ZBP1: variants seen among roughly 807,000 people sequenced by gnomAD.
The protein encoded by ZBP1 is Z-DNA-binding protein 1.
A neutral mutation model predicts 41.1 loss-of-function variants in ZBP1; 42 were observed. The ratio of observed to expected loss-of-function variants is 1.02; its 90% CI spans 0.80 to 1.32. ZBP1 has a LOEUF of 1.32. Among genes scored for constraint, ZBP1 ranks in the 40% most tolerant of loss-of-function variants. ZBP1 has a pLI of 0.00. For missense variants in ZBP1, 562 were observed against 549.7 expected, an observed-to-expected ratio of 1.02 and a Z score of -0.22; for synonymous variants, 214 against 205.2, an observed-to-expected ratio of 1.04 and a Z score of -0.37.
rs766973468 is a variant in ZBP1, at chr20:57,616,488, A to G, written c.35-20T>C. On this transcript the variant is annotated intron_variant, in intron 1 of 7. Transcript: ENST00000371173. The stretch of plus-strand genomic sequence containing the variant: ...GGTGGCCTGGGGGAGCGAGCGGGGG[A>G]CAGAGAGGGGAACTGAGTCTCCCAG... 1.3e-5 allele frequency: 21 copies of G among 1,611,458 alleles called. No homozygotes were observed. The highest frequency in any genetic ancestry group is 1.7e-5 in the Non-Finnish European group (20 of 1,179,470).
rs555508826 is a variant in ZBP1, at chr20:57,613,090, C to G, written c.670+73G>C. The G allele has an allele frequency of 2.5e-5, 40 of 1,591,914 alleles. No homozygotes were observed. In the South Asian group the frequency reaches 4.2e-4, roughly 17 times the overall value. ...GAATCCCCCCACTCCCCATCCCTAC[C>G]CTTTGCCCCCACCCAGAGGATCCGG... On this transcript the variant is annotated intron_variant, in intron 5 of 7. Coordinates refer to ENST00000371173, the MANE Select transcript of ZBP1 (RefSeq NM_030776.3). The surrounding 1 kb of genome is among the most constrained non-coding windows in gnomAD (Gnocchi z 4.5).
At chr20:57,611,982 C>T in intron 5 of ZBP1, 52 bp from the exon 6 acceptor site, 1 of 1,524,972 alleles carries the variant, frequency 6.6e-7, no homozygotes, top group East Asian at 2.5e-5. Context: ...AGGCTTCTTC[C>T]TTTCCCTCAC....
intron 1 of ZBP1, 181 bp from the exon 2 acceptor site, chr20:57,616,649 G>A (rs1466905765): frequency 9.5e-6 from 6 of 633,826 alleles, no homozygotes; most frequent in Non-Finnish European, 1.6e-5. Context: ...CATCTGCCCA[G>A]AGGGAGGCAT....
chr20:57,614,789 A>G (rs2070772118), intron 4 of ZBP1, 98 bp downstream of exon 4: 1 of 1,483,362 alleles, frequency 6.7e-7, no homozygotes, highest in Non-Finnish European at 9.1e-7. Context: ...AGCTTCTAGC[A>G]GTTTCCGGTG....
chr20:57,604,721 ATG>A lies in ZBP1; in HGVS notation c.1140_1141del (p.Ile381TrpfsTer36), dbSNP rs765746568. The A allele has an allele frequency of 3.7e-6, 6 of 1,613,996 alleles. No homozygotes were observed. The highest frequency in any genetic ancestry group is 5.1e-6 in the Non-Finnish European group (6 of 1,180,036). On this transcript the variant is annotated frameshift_variant, in exon 8 of 8. Coordinates refer to ENST00000371173, the MANE Select transcript of ZBP1 (RefSeq NM_030776.3). LOFTEE classifies it low-confidence loss of function (END_TRUNC). ...GTGGCTGGGAGTGATGGGCTGACCA[ATG>A]TCTCGAGGAAAGTGACTTCTGGATT...
chr20:57,615,014 G>T lies in ZBP1; in HGVS notation c.375C>A (p.Ala125=). The T allele has an allele frequency of 6.2e-7, 1 of 1,614,220 alleles. No homozygotes were observed. The highest frequency in any genetic ancestry group is 1.7e-5 in the Admixed American group (1 of 60,034). ...TTCCCAGTGCTTGGGCGATGACCAG[G>T]GCCCTCTGGGGACCATTGTCTTTGA... ...RFLKDNGPQR[A]LVIAQALGMR... is the part of the protein sequence containing the mutation. Residue 125 remains alanine, a synonymous_variant, in exon 4 of 8, where the codon GCC becomes GCA. Transcript: ENST00000371173.
Position 57,610,641 on chromosome 20 carries a change from C to G in ZBP1, c.875-274G>C. On this transcript the variant is annotated intron_variant, in intron 6 of 7. Coordinates refer to ENST00000371173, the MANE Select transcript of ZBP1 (RefSeq NM_030776.3). The surrounding 1 kb of genome is among the most constrained non-coding windows in gnomAD (Gnocchi z 5.5). Reference sequence around the variant, plus strand: ...GGCTGATCTGGACGTCAGTGTCTTCCTCTGGGATTCAGCTCCTCTCTCCTC... The same window carrying G: ...GGCTGATCTGGACGTCAGTGTCTTCGTCTGGGATTCAGCTCCTCTCTCCTC... 1.1e-5 allele frequency: 6 copies of G among 529,170 alleles called. No homozygotes were observed. The highest frequency in any genetic ancestry group is 5.1e-4 in the Middle Eastern group (1 of 1,962). 32.8% of individuals were successfully genotyped at this position (529,170 alleles called of 1,614,324 possible).
rs555871689 is a variant in ZBP1, at chr20:57,607,629, T to G, written c.1093+2520A>C. On this transcript the variant is annotated intron_variant, in intron 7 of 7. Coordinates refer to ENST00000371173, the MANE Select transcript of ZBP1 (RefSeq NM_030776.3). ...TTGCATGCTACAGAGAAAGCTTTCA[T>G]GAAAGGAAGAGTTCATTGCTGCAGC... 1.6e-4 allele frequency among the ~76,000 whole-genome samples: 24 copies of G among 152,328 alleles called. No individual in the cohort carries two copies. In the South Asian group the frequency reaches 4.6e-3, roughly 29 times the overall value.
chr20:57,606,968 A>G, intron 7 of ZBP1: 1 of 1,191,820 alleles, frequency 8.4e-7, no homozygotes, highest in Non-Finnish European at 1.1e-6. Context: ...TCTGATGGAG[A>G]TGTAAAAAAG....
chr20:57,619,132 G>A (rs1328822544), intron 1 of ZBP1, among the ~76,000 whole-genome samples: 1 of 152,244 alleles, frequency 6.6e-6, no homozygotes, highest in Non-Finnish European at 1.5e-5. Flanking sequence ...GCTGAGTCCG[G>A]AACCTGCGTC....
At chr20:57,616,522 A>T in intron 1 of ZBP1, 54 bp from the exon 2 acceptor site, 1 of 1,598,082 alleles carries the variant, frequency 6.3e-7, no homozygotes, top group Non-Finnish European at 8.5e-7. Flanking sequence ...AGGTCCCCAC[A>T]GTTGAGCCCA....
intron 1 of ZBP1, 27 bp downstream of exon 1, chr20:57,620,235 G>GGT: frequency 3.8e-6 from 6 of 1,574,938 alleles, no homozygotes; most frequent in Middle Eastern, 1.7e-4. Flanking sequence ...AGCTACCGCT[G>GGT]GTCCTTGGAA....
At position 57,604,555 on chromosome 20, in the gene ZBP1, C is replaced by T. The variant is rs771726793; in HGVS notation, c.*18G>A. 1.2e-6 allele frequency: 2 copies of T among 1,609,944 alleles called. No individual in the cohort carries two copies. Among genetic ancestry groups the T allele is most frequent in the Non-Finnish European group, 1.7e-6 (2 of 1,177,446 alleles). On this transcript the variant is annotated 3_prime_UTR_variant, in exon 8 of 8. Coordinates refer to ENST00000371173, the MANE Select transcript of ZBP1 (RefSeq NM_030776.3). ...GCCCACCCCCAGCCTGTGTCCAAGC[C>T]CCACGTGAGGCTGTGCACTAAATCC...
Position 57,604,624 on chromosome 20 carries a change from G to T in ZBP1, c.1239C>A (p.His413Gln), listed in dbSNP as rs778717203. ...CCTCGTGTGAGGCTTCATCCACATA[G>T]TGGCTGCCTTCTGCAGCTTTGTGAC... ...NRSHKAAEGS[H>Q]YVDEASHEGS... is the part of the protein sequence containing the mutation. The change falls in exon 8 of 8, where the codon CAC (histidine) becomes CAA (glutamine). Residue 413 changes from histidine (H) to glutamine (Q), a missense_variant. His to Gln is a conservative substitution (Grantham distance 24, BLOSUM62 0). Coordinates refer to ENST00000371173, the MANE Select transcript of ZBP1 (RefSeq NM_030776.3). The T allele has an allele frequency of 6.2e-7, 1 of 1,614,182 alleles. No homozygotes were observed. Among genetic ancestry groups the T allele is most frequent in the South Asian group, 1.1e-5 (1 of 91,086 alleles).
intron 7 of ZBP1, among the ~76,000 whole-genome samples, chr20:57,609,403 C>T (rs1424809773): frequency 6.6e-6 from 1 of 152,208 alleles, no homozygotes; most frequent in Non-Finnish European, 1.5e-5. Flanking sequence ...TGAGTCTCTG[C>T]TGGGCTTAGA....
intron 6 of ZBP1, 80 bp downstream of exon 6, chr20:57,611,647 A>C: frequency 6.9e-7 from 1 of 1,439,394 alleles, no homozygotes. Flanking sequence ...TTCTCTTCCC[A>C]AAAAGATTCT....
At chr20:57,619,939 C>T (rs530969610) in intron 1 of ZBP1, among the ~76,000 whole-genome samples, 19 of 152,062 alleles carry the variant, frequency 1.2e-4, no homozygotes, top group Middle Eastern at 3.4e-3. Flanking sequence ...CGGGTTCAAG[C>T]GATTCTCCAG....
chr20:57,619,328 G>A (rs1018841617), intron 1 of ZBP1, among the ~76,000 whole-genome samples: 5 of 152,148 alleles, frequency 3.3e-5, no homozygotes, highest in African/African-American at 1.2e-4. Flanking sequence ...CCTCCCCTCC[G>A]GCTTCAGGTT....
intron 1 of ZBP1, among the ~76,000 whole-genome samples, chr20:57,618,687 T>A (rs1390919120): frequency 1.3e-5 from 2 of 152,182 alleles, no homozygotes; most frequent in Non-Finnish European, 2.9e-5. Context: ...GTTCAAGCAA[T>A]TCTCTTGCCT....
Sources: gnomAD v4.1 joint callset for allele counts (sites outside exome capture counted in the v4.1 genomes callset) on GRCh38, gnomAD v4.1.1 for gene constraint, Gnocchi (gnomAD v3.1) non-coding constraint, MANE v1.5 for transcripts, NCBI Gene and HGNC (gene_info 2026-07-23, HGNC 2026-07-21) for gene names.